The following PDE1C variants were observed in gnomAD, a reference collection of about 807,000 sequenced individuals.
The protein encoded by PDE1C is dual specificity calcium/calmodulin-dependent 3',5'-cyclic nucleotide phosphodiesterase 1C.
In PDE1C, 62 loss-of-function variants were observed where a neutral mutation model predicts 93.1. The ratio of observed to expected loss-of-function variants is 0.67; its 90% CI spans 0.54 to 0.82. The LOEUF is 0.82. PDE1C is among the 40% of genes least tolerant of loss of function. The pLI, the probability that PDE1C is intolerant of heterozygous loss-of-function variation, is 0.00. For missense variants in PDE1C, 742 were observed against 884.6 expected (o/e 0.84, Z 2.04); for synonymous variants, 325 against 310.1 (o/e 1.05, Z -0.50).
the PDE1C span, among the ~76,000 whole-genome samples, chr7:31,714,640 A>G: frequency 6.6e-3 from 1,005 of 152,368 alleles, 9 homozygotes; most frequent in African/African-American, 0.023. Context: ...CACATGGCTG[A>G]GGAGGCCTGG....
chr7:32,189,614 A>G (rs185485366), intron 2 of PDE1C, among the ~76,000 whole-genome samples: 244 of 152,326 alleles, frequency 1.6e-3, no homozygotes, highest in Non-Finnish European at 2.7e-3. Flanking sequence ...ATTCAGGGAT[A>G]TAGTATATAT....
chr7:32,112,623 C>CA (rs1563322451), intron 3 of PDE1C, among the ~76,000 whole-genome samples: 1 of 141,076 alleles, frequency 7.1e-6, no homozygotes, highest in Non-Finnish European at 1.5e-5. Flanking sequence ...CATCTAGCTG[C>CA]TTTTTTTTTT....
chr7:32,420,604 AG>A (rs1016175188), intron 1 of PDE1C, among the ~76,000 whole-genome samples: 2 of 151,146 alleles, frequency 1.3e-5, no homozygotes, highest in Non-Finnish European at 1.5e-5. Flanking sequence ...GCTACCTCAA[AG>A]GTTTGTCGTG....
intron 2 of PDE1C, among the ~76,000 whole-genome samples, chr7:31,930,564 G>A (rs1429060247): frequency 2.0e-5 from 3 of 152,012 alleles, no homozygotes; most frequent in African/African-American, 7.2e-5. Context: ...ATCCAGGCCA[G>A]GCGTGGTGGC....
intron 2 of PDE1C, among the ~76,000 whole-genome samples, chr7:31,975,841 A>G (rs143433647): frequency 6.6e-6 from 1 of 152,322 alleles, no homozygotes; most frequent in African/African-American, 2.4e-5. Flanking sequence ...GATAATTGAT[A>G]TTACTGAATA....
chr7:31,832,793 T>C (rs1790578288), intron 11 of PDE1C, among the ~76,000 whole-genome samples: 1 of 152,224 alleles, frequency 6.6e-6, no homozygotes, highest in South Asian at 2.1e-4. Context: ...TATTCGAGTA[T>C]ATGTATGTGC....
At position 31,989,090 on chromosome 7, in the gene PDE1C, CAAAG is replaced by C. The variant is rs201197427; in HGVS notation, c.128+62460_128+62463del. ...AGAAAGAAAGAGAGAGAGAAAGAAA[CAAAG>C]AAAGAAAGAAAGAGAAAGAGAAAGA... On this transcript the variant is annotated intron_variant, in intron 2 of 17. Transcript: ENST00000396191. Among the ~76,000 whole-genome samples, 903 of 117,612 alleles carry C rather than the reference CAAAG, an allele frequency of 7.7e-3. 4 individuals carry two copies. The highest frequency in any genetic ancestry group is 0.026 in the African/African-American group (808 of 31,312). 77.2% of individuals were successfully genotyped at this position (117,612 alleles called of 152,430 possible).
the PDE1C span, among the ~76,000 whole-genome samples, chr7:31,692,201 T>C: frequency 2.0e-5 from 3 of 152,174 alleles, no homozygotes; most frequent in South Asian, 2.1e-4. Context: ...AATCTGTCAG[T>C]GTGAGGGTGG....
At chr7:31,906,562 T>A (rs1800610180) in intron 2 of PDE1C, among the ~76,000 whole-genome samples, 1 of 152,138 alleles carries the variant, frequency 6.6e-6, no homozygotes, top group South Asian at 2.1e-4. Context: ...GTCAACAACA[T>A]TTTTGTTGGT....
At chr7:32,107,352 G>T (rs973717846) in intron 3 of PDE1C, among the ~76,000 whole-genome samples, 13 of 151,162 alleles carry the variant, frequency 8.6e-5, no homozygotes, top group Non-Finnish European at 1.5e-4. Flanking sequence ...AGAAGGAAGG[G>T]AGAGAAGGAG....
the PDE1C span, among the ~76,000 whole-genome samples, chr7:31,723,048 A>G: frequency 3.9e-5 from 6 of 152,224 alleles, no homozygotes; most frequent in Admixed American, 3.3e-4. Flanking sequence ...TCTGCCCTTC[A>G]ACTCATCTGT....
chr7:32,224,527 T>C (rs962454144), intron 1 of PDE1C, among the ~76,000 whole-genome samples: 2 of 152,194 alleles, frequency 1.3e-5, no homozygotes, highest in Admixed American at 6.6e-5. Flanking sequence ...GGATAAAATA[T>C]GTAAAACACT....
intron 2 of PDE1C, among the ~76,000 whole-genome samples, chr7:31,994,305 C>T (rs1040082538): frequency 3.3e-5 from 5 of 152,066 alleles, no homozygotes; most frequent in African/African-American, 9.6e-5. Flanking sequence ...TAAAAAGATA[C>T]CAAAACTTTT....
intron 3 of PDE1C, among the ~76,000 whole-genome samples, chr7:32,086,783 G>A (rs1386805308): frequency 6.6e-6 from 1 of 152,158 alleles, no homozygotes; most frequent in Admixed American, 6.5e-5. Context: ...AAATGGTGCT[G>A]GGAAAACTGG....
intron 2 of PDE1C, among the ~76,000 whole-genome samples, chr7:31,960,580 T>C (rs1041655618): frequency 2.0e-5 from 3 of 152,298 alleles, no homozygotes; most frequent in Non-Finnish European, 2.9e-5. Flanking sequence ...GAAATGCATA[T>C]TGAAATATTT....
At chr7:31,813,057 T>G (rs1787745105) in intron 15 of PDE1C, among the ~76,000 whole-genome samples, 1 of 152,294 alleles carries the variant, frequency 6.6e-6, no homozygotes, top group East Asian at 1.9e-4. Context: ...GAATCTCAAG[T>G]ACAATGTCTG....
chr7:32,052,726 T>C (rs895981454), intron 1 of PDE1C, among the ~76,000 whole-genome samples: 3 of 152,132 alleles, frequency 2.0e-5, no homozygotes, highest in Non-Finnish European at 2.9e-5. Context: ...TACATCTCTG[T>C]TAAAATGAAA....
In PDE1C at chr7:32,169,827, G is replaced by C. The variant is rs779718176; in HGVS notation, c.266C>G (p.Pro89Arg). The C allele has an allele frequency of 1.9e-6, 3 of 1,612,500 alleles. No individual in the cohort carries two copies. The African/African-American group carries it at 4.0e-5, about 22-fold the overall frequency. ...CAAGACTTCTGGGCTATCCAGCTGT[G>C]GCAATTCATCAGCTAGGATCTCCTC... Residue 89 changes from proline (P) to arginine (R), a missense_variant, in exon 3 of 19, where the codon CCA becomes CGA. Coordinates refer to the PDE1C transcript ENST00000396193.
chr7:32,207,496 A>T (rs574978985), intron 2 of PDE1C, among the ~76,000 whole-genome samples: 2 of 152,272 alleles, frequency 1.3e-5, no homozygotes, highest in South Asian at 4.1e-4. Context: ...ATTAAAAATA[A>T]TTTTTTTGCC....
Sources: gnomAD v4.1 joint callset for allele counts (sites outside exome capture counted in the v4.1 genomes callset) on GRCh38, gnomAD v4.1.1 for gene constraint, MANE v1.5 for transcripts, NCBI Gene and HGNC (gene_info 2026-07-23, HGNC 2026-07-21) for gene names.